Variants in LCA5 observed in about 807,000 individuals in gnomAD.
LCA5 encodes lebercilin.
LCA5 carries 37 observed loss-of-function variants against 53.0 expected under a neutral mutation model. That is an observed-to-expected ratio of 0.70 (90% CI 0.54 to 0.92). The LOEUF is 0.92. LCA5 is among the 40% of genes least tolerant of loss of function. The probability of loss-of-function intolerance (pLI) is 0.00; values close to 1 mark genes in which losing one functional copy is unlikely to be tolerated. For missense variants in LCA5, 806 were observed against 790.5 expected (o/e 1.02, Z -0.23); for synonymous variants, 303 against 282.9 (o/e 1.07, Z -0.71).
intron 1 of LCA5, among the ~76,000 whole-genome samples, chr6:79,536,936 C>T (rs1233939385): frequency 6.6e-6 from 1 of 152,184 alleles, no homozygotes; most frequent in Non-Finnish European, 1.5e-5. Context: ...ACCTCCCTTC[C>T]TCGGGACCCT....
chr6:79,501,745 G>T lies in LCA5; in HGVS notation c.721-7995C>A, dbSNP rs564258093. Among the ~76,000 whole-genome samples, 3 of 150,286 alleles carry T rather than the reference G, an allele frequency of 2.0e-5. No homozygotes were observed. The South Asian group carries it at 6.3e-4, about 32-fold the overall frequency. On this transcript the variant is annotated intron_variant, in intron 3 of 7. Coordinates refer to ENST00000369846, the MANE Select transcript of LCA5 (RefSeq NM_001122769.3). ...ACTATATACATCTATAACTATAACAGAATTCTATAACTGTATATACTATAC... is the reference window on the plus strand; with the variant it reads ...ACTATATACATCTATAACTATAACATAATTCTATAACTGTATATACTATAC...
intron 1 of LCA5, among the ~76,000 whole-genome samples, chr6:79,533,236 G>T (rs1055359711): frequency 6.6e-6 from 1 of 151,826 alleles, no homozygotes; most frequent in African/African-American, 2.4e-5. Context: ...TTCTTAAAAG[G>T]AAAAAAGTGA....
intron 2 of LCA5, among the ~76,000 whole-genome samples, chr6:79,518,105 T>C (rs1471857074): frequency 1.3e-5 from 2 of 152,168 alleles, no homozygotes; most frequent in African/African-American, 4.8e-5. Flanking sequence ...GAATATTACA[T>C]AGTCAAATAT....
intron 1 of LCA5, among the ~76,000 whole-genome samples, chr6:79,523,069 A>G (rs1340650592): frequency 1.3e-5 from 2 of 152,116 alleles, no homozygotes; most frequent in Non-Finnish European, 2.9e-5. Flanking sequence ...CTGATAGAAG[A>G]CTTTTGAATT....
intron 3 of LCA5, among the ~76,000 whole-genome samples, chr6:79,505,968 A>G (rs966076529): frequency 6.6e-6 from 1 of 152,184 alleles, no homozygotes; most frequent in African/African-American, 2.4e-5. Context: ...AAGAATTTCA[A>G]TTCTTACTTT....
chr6:79,487,194 T>A lies in LCA5; in HGVS notation c.1904A>T (p.Asp635Val). Residue 635 changes from aspartate to valine, a missense_variant, in exon 8 of 8, where the codon GAC becomes GTC. Asp to Val is a radical substitution (Grantham distance 152). Coordinates refer to ENST00000369846, the MANE Select transcript of LCA5 (RefSeq NM_001122769.3). Reference protein sequence around the residue: ...NSVASSKGDIDPLNFLPGNKG... With the variant: ...NSVASSKGDIVPLNFLPGNKG... ...ATTCCCAGGGAGAAAATTTAGAGGG[T>A]CAATGTCTCCTTTACTGGAAGCCAC... 1 of 1,614,032 alleles carries A rather than the reference T, an allele frequency of 6.2e-7. No individual in the cohort carries two copies. Among genetic ancestry groups the A allele is most frequent in the South Asian group, 1.1e-5 (1 of 91,072 alleles).
intron 3 of LCA5, among the ~76,000 whole-genome samples, chr6:79,497,292 G>A (rs887148208): frequency 6.6e-6 from 1 of 152,142 alleles, no homozygotes; most frequent in Non-Finnish European, 1.5e-5. Context: ...ACTATAAGAG[G>A]AAGAACAGTT....
chr6:79,499,901 GT>G (rs1770088564), intron 3 of LCA5, among the ~76,000 whole-genome samples: 2 of 147,810 alleles, frequency 1.4e-5, no homozygotes, highest in African/African-American at 5.0e-5. Context: ...CTGTGTCCAT[GT>G]GTTCTCATTG....
At chr6:79,510,463 C>T (rs1260361436) in intron 3 of LCA5, among the ~76,000 whole-genome samples, 5 of 152,006 alleles carry the variant, frequency 3.3e-5, no homozygotes, top group East Asian at 1.9e-4. Flanking sequence ...AATTATACCT[C>T]GATAAAGCTG....
At chr6:79,493,940 A>C (rs1769911398) in intron 3 of LCA5, among the ~76,000 whole-genome samples, 190 bp from the exon 4 acceptor site, 1 of 152,190 alleles carries the variant, frequency 6.6e-6, no homozygotes, top group African/African-American at 2.4e-5. Flanking sequence ...CAAGCCTGTT[A>C]TTCCTATCTT....
At chr6:79,499,845 ACT>A (rs1770085380) in intron 3 of LCA5, among the ~76,000 whole-genome samples, 1 of 115,810 alleles carries the variant, frequency 8.6e-6, no homozygotes, top group South Asian at 2.8e-4. Context: ...TCCCTCCCCC[ACT>A]CCCCCCACCC....
rs201422027 is a variant in LCA5 at position 79,513,642 on chromosome 6, G to A, written c.290C>T (p.Thr97Ile). 1.2e-6 allele frequency: 2 copies of A among 1,613,818 alleles called. No individual in the cohort carries two copies. The highest frequency in any genetic ancestry group is 2.7e-5 in the African/African-American group (2 of 75,006). The change falls in exon 3 of 8, where the codon ACT becomes ATT. Residue 97 changes from threonine (T) to isoleucine (I), a missense_variant. By Grantham distance (89) the Thr-to-Ile change is moderately conservative. Coordinates refer to ENST00000369846, the MANE Select transcript of LCA5 (RefSeq NM_001122769.3). ...SLNREPLRKDTDLVTKRILSA... is the reference protein window; with the variant it reads ...SLNREPLRKDIDLVTKRILSA... ...CAGAATCCGTTTTGTAACAAGATCA[G>A]TATCTTTCCGAAGTGGCTCTCTATT...
Position 79,519,085 on chromosome 6 carries a change from C to A in LCA5, c.-191G>T. On this transcript the variant is annotated splice_region_variant and 5_prime_UTR_variant, in exon 2 of 8. Transcript: ENST00000369846. ...GCATCCAGAAGATAAACTTTTTTGC[C>A]CTGAAATTAAGGAAGGGGAAAGGAG... The A allele has an allele frequency of 4.6e-6, 3 of 658,358 alleles. No individual in the cohort carries two copies. Among genetic ancestry groups the A allele is most frequent in the Non-Finnish European group, 7.9e-6 (3 of 378,968 alleles). 40.8% of individuals were successfully genotyped at this position (658,358 alleles called of 1,614,324 possible). A position where few individuals can be genotyped will look rare whatever the true frequency, so the allele number is the denominator to read the frequency against.
rs1017852564 is a variant in LCA5, at chr6:79,518,967, A to G, written c.-73T>C. The G allele has an allele frequency of 3.0e-6, 4 of 1,352,378 alleles. No individual in the cohort carries two copies. Among genetic ancestry groups the G allele is most frequent in the Middle Eastern group, 1.9e-4 (1 of 5,320 alleles). 83.8% of individuals were successfully genotyped at this position (1,352,378 alleles called of 1,614,324 possible). A position where few individuals can be genotyped will look rare whatever the true frequency, so the allele number is the denominator to read the frequency against. On this transcript the variant is annotated 5_prime_UTR_variant, in exon 2 of 8. Transcript: ENST00000369846. ...TCCAGAGGAGACTATGACAATACTG[A>G]AAAACATTTTCACAGTCTTCAGATC...
chr6:79,496,545 CAA>C (rs1473176553), intron 3 of LCA5, among the ~76,000 whole-genome samples: 1 of 152,070 alleles, frequency 6.6e-6, no homozygotes, highest in Non-Finnish European at 1.5e-5. Context: ...GTTTGAAACT[CAA>C]AATAGTTTTG....
At chr6:79,502,155 T>C (rs1582628291) in intron 3 of LCA5, among the ~76,000 whole-genome samples, 1 of 152,150 alleles carries the variant, frequency 6.6e-6, no homozygotes, top group East Asian at 1.9e-4. Context: ...TTCTCACTTC[T>C]CCTAGTCTTC....
At chr6:79,506,628 G>A (rs1391295591) in intron 3 of LCA5, among the ~76,000 whole-genome samples, 1 of 152,114 alleles carries the variant, frequency 6.6e-6, no homozygotes, top group Non-Finnish European at 1.5e-5. Flanking sequence ...CATATTAGCC[G>A]AATTACTAAT....
At chr6:79,527,053 G>C (rs1582654011) in intron 1 of LCA5, among the ~76,000 whole-genome samples, 1 of 152,192 alleles carries the variant, frequency 6.6e-6, no homozygotes, top group African/African-American at 2.4e-5. Flanking sequence ...TCCACTTCTA[G>C]CCTGGTGATT....
chr6:79,491,714 A>G lies in LCA5; in HGVS notation c.972T>C (p.Asp324=). 1 of 1,612,960 alleles carries G rather than the reference A, an allele frequency of 6.2e-7. No homozygotes were observed. The highest frequency in any genetic ancestry group is 8.5e-7 in the Non-Finnish European group (1 of 1,179,194). Residue 324 remains aspartate (D), a synonymous_variant, in exon 6 of 8, where the codon GAT becomes GAC. Coordinates refer to ENST00000369846, the MANE Select transcript of LCA5 (RefSeq NM_001122769.3). ...CTCCTTTTGTACACAGGTCTGCAAAATCACTCTGGCATGCAGCTACAGTGA... is the reference window on the plus strand; with the variant it reads ...CTCCTTTTGTACACAGGTCTGCAAAGTCACTCTGGCATGCAGCTACAGTGA... The part of the protein sequence containing the change: ...ALRKNAACQS[D]FADLCTKGVQ...
Sources: allele counts gnomAD v4.1 joint callset (sites outside exome capture counted in the v4.1 genomes callset), GRCh38; gene constraint gnomAD v4.1.1; transcripts MANE v1.5; gene names NCBI Gene and HGNC (gene_info 2026-07-23, HGNC 2026-07-21).